GEM: variants seen among roughly 807,000 people sequenced by gnomAD.
The protein encoded by GEM is GTP-binding protein GEM.
Under a neutral mutation model 33.0 loss-of-function variants are expected in GEM, and 31 were observed. The ratio of observed to expected loss-of-function variants is 0.94; its 90% CI spans 0.71 to 1.27. GEM has a LOEUF of 1.27. Ranked by LOEUF, GEM falls within the 50% of genes most tolerant of loss-of-function variation. The pLI, the probability that GEM is intolerant of heterozygous loss-of-function variation, is 0.00. For missense variants in GEM, 354 were observed against 390.5 expected (o/e 0.91, Z 0.79); for synonymous variants, 141 against 143.7 (o/e 0.98, Z 0.13).
At chr8:94,256,124 T>A (rs1808888855) in intron 2 of GEM, among the ~76,000 whole-genome samples, 1 of 152,120 alleles carries the variant, frequency 6.6e-6, no homozygotes, top group Non-Finnish European at 1.5e-5. Context: ...CCACCTCTGA[T>A]AGTCTAAGTC....
chr8:94,261,292 G>T (rs1809018173), intron 1 of GEM, among the ~76,000 whole-genome samples: 1 of 152,174 alleles, frequency 6.6e-6, no homozygotes, highest in South Asian at 2.1e-4. Context: ...GAAATTTGCA[G>T]AGAAAGTGCC....
rs940281240 is a variant in GEM at position 94,250,360 on chromosome 8, T to C, written c.841A>G (p.Met281Val). 3.7e-6 allele frequency: 6 copies of C among 1,614,068 alleles called. No individual in the cohort carries two copies. In the East Asian group the frequency reaches 6.7e-5, roughly 18 times the overall value. ...GKIVAKNNKN[M>V]AFKLKSKSCH... ...GATTTGGACTTGAGCTTGAAGGCCA[T>C]ATTCTTGTTGTTTTTGGCCACGATC... The change falls in exon 5 of 5, where the codon ATG becomes GTG. Residue 281 changes from methionine (M) to valine (V), a missense_variant. Met to Val is a conservative substitution (Grantham distance 21). Transcript: ENST00000297596.
rs566174254 is a variant in GEM, at chr8:94,254,938, C to T, written c.332-1826G>A. Among the ~76,000 whole-genome samples the T allele has an allele frequency of 7.2e-5, 11 of 152,320 alleles. No individual in the cohort carries two copies. The South Asian group carries it at 8.3e-4, about 11-fold the overall frequency. On this transcript the variant is annotated intron_variant, in intron 2 of 4. Coordinates refer to ENST00000297596, the MANE Select transcript of GEM (RefSeq NM_005261.4). ...ACAATATGCAGAAGGAATGAGATCA[C>T]AGTGGGACTATTTGGATTACCAGGG...
At chr8:94,257,972 G>A (rs1808932471) in intron 2 of GEM, among the ~76,000 whole-genome samples, 1 of 152,034 alleles carries the variant, frequency 6.6e-6, no homozygotes, top group African/African-American at 2.4e-5. Flanking sequence ...AGAAGCTAGG[G>A]AAAGGATTCC....
intron 2 of GEM, among the ~76,000 whole-genome samples, chr8:94,257,136 G>A (rs898153970): frequency 6.6e-6 from 1 of 151,674 alleles, no homozygotes; most frequent in Non-Finnish European, 1.5e-5. Context: ...CTTCCATGAA[G>A]CTTTTATTTA....
chr8:94,253,598 G>A (rs1436005395), intron 2 of GEM, among the ~76,000 whole-genome samples: 2 of 152,056 alleles, frequency 1.3e-5, no homozygotes, highest in African/African-American at 2.4e-5. Context: ...GCTCCTCTTC[G>A]GACAAGTGCA....
At position 94,260,215 on chromosome 8, in the gene GEM, C is replaced by T; in HGVS notation, c.289G>A (p.Gly97Ser). 3.1e-6 allele frequency: 5 copies of T among 1,611,360 alleles called. No individual in the cohort carries two copies. The highest frequency in any genetic ancestry group is 1.1e-5 in the South Asian group (1 of 91,052). ...TCGCTGTCCATGCTGTCATGCACACCTGCAAAGATGTTGGCCAGAGTGGAC... is the reference window on the plus strand; with the variant it reads ...TCGCTGTCCATGCTGTCATGCACACTTGCAAAGATGTTGGCCAGAGTGGAC... ...GKSTLANIFAGVHDSMDSDCE... is the reference protein window; with the variant it reads ...GKSTLANIFASVHDSMDSDCE... Residue 97 changes from glycine (G) to serine (S), a missense_variant, in exon 2 of 5, where the codon GGT becomes AGT. Gly to Ser is a moderately conservative substitution (Grantham distance 56, BLOSUM62 0). Coordinates refer to ENST00000297596, the MANE Select transcript of GEM (RefSeq NM_005261.4).
In GEM at chr8:94,260,369, G is replaced by A; in HGVS notation, c.135C>T (p.Arg45=). 1 of 1,614,150 alleles carries A rather than the reference G, an allele frequency of 6.2e-7. No homozygotes were observed. Among genetic ancestry groups the A allele is most frequent in the Non-Finnish European group, 8.5e-7 (1 of 1,180,018 alleles). The part of the protein sequence containing the change: ...KEPHQYSHRN[R]HSATPEDHCR... The stretch of plus-strand genomic sequence containing the variant: ...AGTGGTCCTCAGGGGTAGCAGAATG[G>A]CGGTTGCGGTGGCTGTACTGGTGGG... The change falls in exon 2 of 5, where the codon CGC becomes CGT. Residue 45 remains arginine, a synonymous_variant. Coordinates refer to ENST00000297596, the MANE Select transcript of GEM (RefSeq NM_005261.4).
chr8:94,256,730 G>T (rs1211965106), intron 2 of GEM, among the ~76,000 whole-genome samples: 1 of 152,168 alleles, frequency 6.6e-6, no homozygotes, highest in African/African-American at 2.4e-5. Context: ...TGACCAAAGT[G>T]GACAGGGGCC....
intron 2 of GEM, among the ~76,000 whole-genome samples, chr8:94,258,729 C>A (rs944593037): frequency 2.0e-5 from 3 of 152,200 alleles, no homozygotes; most frequent in African/African-American, 7.2e-5. Context: ...AAGTATTTAA[C>A]ACAGTGCCTG....
At chr8:94,254,333 C>T (rs1214303050) in intron 2 of GEM, among the ~76,000 whole-genome samples, 1 of 152,152 alleles carries the variant, frequency 6.6e-6, no homozygotes, top group African/African-American at 2.4e-5. Flanking sequence ...GTACAGTGAA[C>T]GAATGATAAA....
Position 94,249,886 on chromosome 8 carries a change from C to T in GEM, c.*424G>A, listed in dbSNP as rs1808722320. ...ATCTTAGATTCGTAGAAAGTTTTCC[C>T]TCCTTTGAAGAAACTCATTGACAGC... On this transcript the variant is annotated 3_prime_UTR_variant, in exon 5 of 5. Coordinates refer to ENST00000297596, the MANE Select transcript of GEM (RefSeq NM_005261.4). 3 of 155,414 alleles carry T rather than the reference C, an allele frequency of 1.9e-5. No homozygotes were observed. The Admixed American group carries it at 1.9e-4, about 10-fold the overall frequency. 9.6% of individuals were successfully genotyped at this position (155,414 alleles called of 1,614,324 possible). A position where few individuals can be genotyped will look rare whatever the true frequency, so the allele number is the denominator to read the frequency against.
intron 2 of GEM, among the ~76,000 whole-genome samples, chr8:94,254,624 T>C (rs935333731): frequency 6.6e-6 from 1 of 152,204 alleles, no homozygotes; most frequent in Non-Finnish European, 1.5e-5. Context: ...TACAGATAAA[T>C]CCTAGCTTAA....
chr8:94,261,311 A>T (rs982960216), intron 1 of GEM, among the ~76,000 whole-genome samples: 9 of 152,158 alleles, frequency 5.9e-5, no homozygotes, highest in Non-Finnish European at 1.3e-4. Context: ...CCTCATTCTT[A>T]AAAAACCACA....
intron 2 of GEM, among the ~76,000 whole-genome samples, chr8:94,253,903 C>T (rs1404349805): frequency 6.6e-6 from 1 of 152,108 alleles, no homozygotes; most frequent in Non-Finnish European, 1.5e-5. Context: ...GTGGGATTTC[C>T]CTCATCCCAA....
Position 94,260,532 on chromosome 8 carries a change from AGATGGC to A in GEM, c.-9-26_-9-21del. 1 of 1,439,798 alleles carries A rather than the reference AGATGGC, an allele frequency of 6.9e-7. No individual in the cohort carries two copies. Among genetic ancestry groups the A allele is most frequent in the East Asian group, 2.3e-5 (1 of 43,304 alleles). 89.2% of individuals were successfully genotyped at this position (1,439,798 alleles called of 1,614,324 possible). A position where few individuals can be genotyped will look rare whatever the true frequency, so the allele number is the denominator to read the frequency against. ...TGAGTCCTGGGGAGCAAAGCAGCCA[AGATGGC>A]AGCATTAGTAAGCATGAGTGAGAGC... On this transcript the variant is annotated intron_variant, in intron 1 of 4. Transcript: ENST00000297596.
intron 2 of GEM, among the ~76,000 whole-genome samples, chr8:94,258,965 T>C (rs1808957369): frequency 6.6e-6 from 1 of 152,198 alleles, no homozygotes; most frequent in Non-Finnish European, 1.5e-5. Flanking sequence ...TCACTCTAAA[T>C]GCTAGCCCCT....
rs916486616 is a variant in GEM, at chr8:94,260,248, C to T, written c.256G>A (p.Val86Met). The change falls in exon 2 of 5, where the codon GTG (valine) becomes ATG (methionine). Residue 86 changes from valine (V) to methionine (M), a missense_variant. Val to Met is a conservative substitution (Grantham distance 21, BLOSUM62 1). Coordinates refer to ENST00000297596, the MANE Select transcript of GEM (RefSeq NM_005261.4). ...YRVVLIGEQGVGKSTLANIFA... is the reference protein window; with the variant it reads ...YRVVLIGEQGMGKSTLANIFA... ...ATGTTGGCCAGAGTGGACTTGCCCA[C>T]CCCCTGCTCCCCTATGAGCACCACT... The T allele has an allele frequency of 6.2e-7, 1 of 1,613,586 alleles. No homozygotes were observed. Among genetic ancestry groups the T allele is most frequent in the Non-Finnish European group, 8.5e-7 (1 of 1,179,484 alleles).
At chr8:94,254,899 T>A (rs1808854307) in intron 2 of GEM, among the ~76,000 whole-genome samples, 1 of 152,200 alleles carries the variant, frequency 6.6e-6, no homozygotes. Context: ...GTCTCGCCCA[T>A]CGTGTGCCTG....
Sources: allele counts gnomAD v4.1 joint callset (sites outside exome capture counted in the v4.1 genomes callset), GRCh38; gene constraint gnomAD v4.1.1; transcripts MANE v1.5; gene names NCBI Gene and HGNC (gene_info 2026-07-23, HGNC 2026-07-21).